ARSJ: variants seen among roughly 807,000 people sequenced by gnomAD.
ARSJ encodes arylsulfatase J.
A neutral mutation model predicts 35.9 loss-of-function variants in ARSJ; 26 were observed. That is an observed-to-expected ratio of 0.72 (90% CI 0.53 to 1.00). The LOEUF (loss-of-function observed/expected upper bound fraction) is 1.00, where lower values mean the gene tolerates loss of function less well. Ranked by LOEUF, ARSJ falls within the 50% of genes least tolerant of loss-of-function variation. The pLI is 0.00. For synonymous variants in ARSJ, 294 were observed against 267.6 expected, an observed-to-expected ratio of 1.10 and a Z score of -0.96; for missense variants, 667 against 723.6, an observed-to-expected ratio of 0.92 and a Z score of 0.90.
At chr4:113,965,525 C>G (rs1158208246) in intron 1 of ARSJ, among the ~76,000 whole-genome samples, 1 of 151,832 alleles carries the variant, frequency 6.6e-6, no homozygotes, top group African/African-American at 2.4e-5. Flanking sequence ...AATAATTACT[C>G]TAGAGTTACA....
At chr4:113,918,854 G>A (rs879461481) in intron 1 of ARSJ, among the ~76,000 whole-genome samples, 5 of 152,128 alleles carry the variant, frequency 3.3e-5, no homozygotes, top group East Asian at 1.9e-4. Context: ...GTGCAGTGGC[G>A]TTATCACAGT....
chr4:113,919,170 A>G (rs1433396603), intron 1 of ARSJ, among the ~76,000 whole-genome samples: 1 of 152,176 alleles, frequency 6.6e-6, no homozygotes, highest in Non-Finnish European at 1.5e-5. Context: ...CCTAGACTAG[A>G]AGAAGAGATT....
At chr4:113,951,768 C>T (rs544375053) in intron 1 of ARSJ, among the ~76,000 whole-genome samples, 1 of 152,068 alleles carries the variant, frequency 6.6e-6, no homozygotes, top group African/African-American at 2.4e-5. Context: ...AGCTATCCCT[C>T]CTGTTAATTC....
At position 113,901,882 on chromosome 4, in the gene ARSJ, TGCTTGCG is replaced by T. The variant is rs1306087259; in HGVS notation, c.*385_*391del. On this transcript the variant is annotated 3_prime_UTR_variant, in exon 2 of 2. Transcript: ENST00000315366. ...CCCTGTAACTTCCATCAAATTAGCA[TGCTTGCG>T]GATGGTATACCCTGTAACTTCCATC... The T allele has an allele frequency of 9.7e-4, 39 of 40,098 alleles. No homozygotes were observed. The Admixed American group carries it at 0.013, about 13-fold the overall frequency. 2.5% of individuals were successfully genotyped at this position (40,098 alleles called of 1,614,324 possible).
intron 1 of ARSJ, chr4:113,943,217 T>C (rs1725266918): frequency 6.6e-6 from 1 of 152,024 alleles, no homozygotes; most frequent in Non-Finnish European, 1.5e-5. Context: ...AATCAGTGCT[T>C]CATATCTTAG....
Position 113,901,736 on chromosome 4 carries a change from A to T in ARSJ, c.*538T>A, listed in dbSNP as rs930272789. ...ATATATATATAAAATAGAATTAATT[A>T]AAAAACCCAAGTGTCATATGACAGA... On this transcript the variant is annotated 3_prime_UTR_variant, in exon 2 of 2. Coordinates refer to ENST00000315366, the MANE Select transcript of ARSJ (RefSeq NM_024590.4). The T allele has an allele frequency of 6.5e-6, 1 of 153,118 alleles. No individual in the cohort carries two copies. Among genetic ancestry groups the T allele is most frequent in the Admixed American group, 6.5e-5 (1 of 15,326 alleles). The allele number at this position is 153,118 out of a possible 1,614,324, so 9.5% of individuals were successfully genotyped here. A position where few individuals can be genotyped will look rare whatever the true frequency, so the allele number is the denominator to read the frequency against.
intron 1 of ARSJ, among the ~76,000 whole-genome samples, chr4:113,961,880 T>G (rs1309588284): frequency 7.0e-6 from 1 of 142,860 alleles, no homozygotes; most frequent in Non-Finnish European, 1.5e-5. Context: ...TGCCTGTGTT[T>G]GTCTCTCTCT....
chr4:113,963,401 G>A (rs921408886), intron 1 of ARSJ, among the ~76,000 whole-genome samples: 16 of 151,988 alleles, frequency 1.1e-4, no homozygotes, highest in Admixed American at 3.3e-4. Context: ...AAGCAAACAT[G>A]TCCTTCTTCA....
chr4:113,925,101 G>A (rs772134600), intron 1 of ARSJ, among the ~76,000 whole-genome samples: 2 of 152,042 alleles, frequency 1.3e-5, no homozygotes, highest in Non-Finnish European at 2.9e-5. Flanking sequence ...CCGTTATGGA[G>A]TAGTAGACTG....
chr4:113,963,507 A>T (rs973774763), intron 1 of ARSJ, among the ~76,000 whole-genome samples: 1 of 152,092 alleles, frequency 6.6e-6, no homozygotes, highest in Non-Finnish European at 1.5e-5. Flanking sequence ...TCATGAGAAC[A>T]GCAGCATGGG....
At chr4:113,923,009 T>C (rs545848363) in intron 1 of ARSJ, among the ~76,000 whole-genome samples, 39 of 152,244 alleles carry the variant, frequency 2.6e-4, no homozygotes, top group Non-Finnish European at 4.6e-4. Context: ...TCTGAATTAG[T>C]GGAAGGCCTT....
intron 1 of ARSJ, among the ~76,000 whole-genome samples, chr4:113,904,589 A>G (rs544759599): frequency 6.6e-6 from 1 of 152,302 alleles, no homozygotes; most frequent in South Asian, 2.1e-4. Context: ...GGTTCACGCC[A>G]TTCTCCTGCC....
rs186140220 is a variant in ARSJ, at chr4:113,920,721, A to T, written c.399-17046T>A. On this transcript the variant is annotated intron_variant, in intron 1 of 1. Coordinates refer to ENST00000315366, the MANE Select transcript of ARSJ (RefSeq NM_024590.4). ...AGTTATTATTAAAGTCCATGAGGGG[A>T]CAAGAGTTCTGAGCATTGTCTACTT... is the stretch of plus-strand genomic sequence containing the variant. 2.1e-3 allele frequency among the ~76,000 whole-genome samples: 319 copies of T among 152,252 alleles called. 1 individual carries two copies. Among genetic ancestry groups the T allele is most frequent in the African/African-American group, 7.1e-3 (297 of 41,552 alleles).
intron 1 of ARSJ, among the ~76,000 whole-genome samples, chr4:113,953,516 T>C (rs1333996023): frequency 1.3e-5 from 2 of 152,086 alleles, no homozygotes; most frequent in African/African-American, 4.8e-5. Context: ...ACAAACTTAG[T>C]ACAGTGAAAA....
At chr4:113,925,740 T>C (rs967253385) in intron 1 of ARSJ, among the ~76,000 whole-genome samples, 1 of 152,094 alleles carries the variant, frequency 6.6e-6, no homozygotes, top group East Asian at 1.9e-4. Context: ...GCAGAAGCAT[T>C]GTGTGCAGGA....
chr4:113,950,188 G>C (rs573824041), intron 1 of ARSJ, among the ~76,000 whole-genome samples: 1 of 152,214 alleles, frequency 6.6e-6, no homozygotes, highest in Admixed American at 6.5e-5. Context: ...GTTTCTGAAA[G>C]AACAGCTTCT....
At chr4:113,926,595 G>T (rs1003830659) in intron 1 of ARSJ, among the ~76,000 whole-genome samples, 3 of 152,052 alleles carry the variant, frequency 2.0e-5, no homozygotes, top group African/African-American at 4.8e-5. Flanking sequence ...GGGGACCATG[G>T]GTATTTGAGC....
intron 1 of ARSJ, among the ~76,000 whole-genome samples, chr4:113,942,555 C>T (rs772676072): frequency 9.2e-5 from 14 of 151,976 alleles, no homozygotes; most frequent in Non-Finnish European, 1.2e-4. Flanking sequence ...AAGGCTACTT[C>T]GAATGCCATC....
chr4:113,908,942 AAG>A (rs2099669596), intron 1 of ARSJ, among the ~76,000 whole-genome samples: 1 of 152,116 alleles, frequency 6.6e-6, no homozygotes. Flanking sequence ...TTGTTTAGAA[AAG>A]AATTTTTCTA....
Sources: gnomAD v4.1 joint callset for allele counts (sites outside exome capture counted in the v4.1 genomes callset) on GRCh38, gnomAD v4.1.1 for gene constraint, MANE v1.5 for transcripts, NCBI Gene and HGNC (gene_info 2026-07-23, HGNC 2026-07-21) for gene names.